The following FBRSL1 variants were observed in gnomAD, a reference collection of about 807,000 sequenced individuals.
The protein encoded by FBRSL1 is fibrosin-1-like protein.
A neutral mutation model predicts 89.6 loss-of-function variants in FBRSL1; 51 were observed. That is an observed-to-expected ratio of 0.57 (90% CI 0.45 to 0.72). FBRSL1 has a LOEUF of 0.72. Among genes scored for constraint, FBRSL1 ranks in the 30% least tolerant of loss-of-function variants. The probability of loss-of-function intolerance (pLI) is 0.00; values close to 1 mark genes in which losing one functional copy is unlikely to be tolerated. For synonymous variants in FBRSL1, 779 were observed against 681.1 expected (o/e 1.14, Z -2.24); for missense variants, 1,618 against 1,451.8 (o/e 1.11, Z -1.86).
chr12:132,523,445 C>T (rs2035533642), intron 2 of FBRSL1, among the ~76,000 whole-genome samples: 1 of 152,150 alleles, frequency 6.6e-6, no homozygotes, highest in Non-Finnish European at 1.5e-5. Context: ...CCACCGAGCC[C>T]CTCTGTGGCA....
intron 4 of FBRSL1, among the ~76,000 whole-genome samples, chr12:132,536,220 G>T (rs543107316): frequency 6.7e-6 from 1 of 150,276 alleles, no homozygotes; most frequent in East Asian, 2.0e-4. Flanking sequence ...GTGAGTGCAC[G>T]TGTAAAATGG....
intron 2 of FBRSL1, chr12:132,511,367 C>T (rs2034319434): frequency 2.3e-5 from 23 of 985,710 alleles, no homozygotes; most frequent in Non-Finnish European, 2.8e-5. Flanking sequence ...GCACACCTCA[C>T]ACTACAAGGC....
rs1290982883 is a variant in FBRSL1, at chr12:132,582,237, G to T, written c.2172G>T (p.Glu724Asp). 6.5e-6 allele frequency: 10 copies of T among 1,550,074 alleles called. No individual in the cohort carries two copies. In the East Asian group the frequency reaches 2.4e-4, roughly 38 times the overall value. The change falls in exon 18 of 19, where the codon GAG becomes GAT. Residue 724 changes from glutamate (E) to aspartate (D), a missense_variant. Transcript: ENST00000680143. ...CAGCCCTGACCAACCATGACCGAGA[G>T]CCGGACAATGGCAAGGAGGAGCAGG... ...RVSALTNHDR[E>D]PDNGKEEQER... is the part of the protein sequence containing the mutation.
rs1257682335 is a variant in FBRSL1, at chr12:132,576,767, G to A, written c.1702-32G>A. 10 of 1,541,304 alleles carry A rather than the reference G, an allele frequency of 6.5e-6. No homozygotes were observed. The Admixed American group carries it at 1.4e-4, about 21-fold the overall frequency. On this transcript the variant is annotated intron_variant, in intron 14 of 18. Transcript: ENST00000680143. ...CCCTGTGTTCAGGGCCAGTCCCCGG[G>A]CAGGCGGCCCTCACCCGTTCTATCC...
In FBRSL1 at chr12:132,583,566, C is replaced by G. The variant is rs951140856; in HGVS notation, c.2797C>G (p.Leu933Val). The G allele has an allele frequency of 1.7e-5, 18 of 1,028,716 alleles. No individual in the cohort carries two copies. Among genetic ancestry groups the G allele is most frequent in the Non-Finnish European group, 2.1e-5 (18 of 857,874 alleles). 63.7% of individuals were successfully genotyped at this position (1,028,716 alleles called of 1,614,324 possible). A position where few individuals can be genotyped will look rare whatever the true frequency, so the allele number is the denominator to read the frequency against. Residue 933 changes from leucine to valine, a missense_variant, in exon 19 of 19, where the codon CTC (leucine) becomes GTC (valine). By Grantham distance (32) the Leu-to-Val change is conservative. Coordinates refer to ENST00000680143, the MANE Select transcript of FBRSL1 (RefSeq NM_001367871.1). ...PSLGALHFPRLSPAALHNGLL... is the reference protein window; with the variant it reads ...PSLGALHFPRVSPAALHNGLL... ...GCTGGGAGCCCTGCACTTCCCGCGCCTCTCGCCCGCCGCGCTGCACAATGG... is the reference window on the plus strand; with the variant it reads ...GCTGGGAGCCCTGCACTTCCCGCGCGTCTCGCCCGCCGCGCTGCACAATGG...
chr12:132,498,988 G>A (rs1459648575), intron 1 of FBRSL1, among the ~76,000 whole-genome samples: 3 of 152,338 alleles, frequency 2.0e-5, no homozygotes, highest in Middle Eastern at 3.4e-3. Context: ...TCTCACCACG[G>A]CAGGCTGGGC....
intron 2 of FBRSL1, among the ~76,000 whole-genome samples, chr12:132,512,670 G>C (rs1444351257): frequency 6.6e-6 from 1 of 152,250 alleles, no homozygotes; most frequent in African/African-American, 2.4e-5. Context: ...CGAGTGAGTA[G>C]AGCCATGTCT....
In FBRSL1 at chr12:132,570,477, C is replaced by T; in HGVS notation, c.1150C>T (p.Pro384Ser). The T allele has an allele frequency of 6.5e-7, 1 of 1,530,980 alleles. No homozygotes were observed. Among genetic ancestry groups the T allele is most frequent in the Non-Finnish European group, 8.7e-7 (1 of 1,144,274 alleles). The allele number at this position is 1,530,980 out of a possible 1,614,324, so 94.8% of individuals were successfully genotyped here. Residue 384 changes from proline (P) to serine (S), a missense_variant, in exon 8 of 19, where the codon CCG becomes TCG. Physicochemically the swap from Pro to Ser is moderately conservative, Grantham distance 74 (BLOSUM62 -1). Transcript: ENST00000680143. ...QLHAAMFAAP[P>S]TLPPPPALPA... is the part of the protein sequence containing the mutation. ...CCACGCGGCCATGTTTGCCGCACCC[C>T]CGACACTGCCCCCGCCCCCGGCGCT...
intron 2 of FBRSL1, chr12:132,510,788 G>A: frequency 9.6e-6 from 11 of 1,143,984 alleles, no homozygotes; most frequent in East Asian, 8.9e-5. Context: ...TGCCCTGGGA[G>A]GGGAACACAG....
intron 2 of FBRSL1, among the ~76,000 whole-genome samples, chr12:132,520,957 T>C (rs1445465499): frequency 6.6e-6 from 1 of 151,546 alleles, no homozygotes; most frequent in Non-Finnish European, 1.5e-5. Flanking sequence ...CTGTGGGAGG[T>C]GGGGAAATGG....
chr12:132,507,468 G>T, intron 1 of FBRSL1: 1 of 974,014 alleles, frequency 1.0e-6, no homozygotes, highest in Non-Finnish European at 1.2e-6. Context: ...GCAGGGCGGA[G>T]GCTGGAGTGT....
intron 5 of FBRSL1, among the ~76,000 whole-genome samples, chr12:132,564,424 A>G (rs1394371298): frequency 9.9e-6 from 1 of 101,276 alleles, no homozygotes; most frequent in African/African-American, 6.1e-5. Context: ...GTCTCTTCCC[A>G]GCACCAGTGC....
intron 17 of FBRSL1, 77 bp downstream of exon 17, chr12:132,581,901 C>T (rs888640301): frequency 1.1e-5 from 15 of 1,397,860 alleles, no homozygotes; most frequent in Admixed American, 4.7e-5. Flanking sequence ...GCAGGAACCC[C>T]GATGCCTGGC....
At chr12:132,511,468 C>T (rs2034330353) in intron 2 of FBRSL1, 1 of 986,094 alleles carries the variant, frequency 1.0e-6, no homozygotes, top group African/African-American at 1.7e-5. Flanking sequence ...GGCAGCCCCA[C>T]TCGAGTCTTC....
intron 4 of FBRSL1, among the ~76,000 whole-genome samples, chr12:132,529,782 G>T (rs2136995545): frequency 6.6e-6 from 1 of 152,344 alleles, no homozygotes; most frequent in Non-Finnish European, 1.5e-5. Context: ...GCCACCCTGG[G>T]CTCTGCCTTT....
At chr12:132,575,208 G>C (rs1203572125) in intron 14 of FBRSL1, among the ~76,000 whole-genome samples, 2 of 152,196 alleles carry the variant, frequency 1.3e-5, no homozygotes, top group Non-Finnish European at 2.9e-5. Context: ...TTTGGGACGG[G>C]ACTCAGAGCA....
chr12:132,510,162 C>G, intron 2 of FBRSL1: 2 of 1,231,078 alleles, frequency 1.6e-6, no homozygotes, highest in African/African-American at 1.6e-5. Flanking sequence ...GCCCTGCCAG[C>G]CCCTGCGGCC....
intron 4 of FBRSL1, among the ~76,000 whole-genome samples, chr12:132,534,348 T>G (rs918159260): frequency 6.6e-6 from 1 of 152,232 alleles, no homozygotes; most frequent in African/African-American, 2.4e-5. Context: ...ATCATCTGAC[T>G]CCTCCACCTG....
At chr12:132,512,102 C>G in intron 2 of FBRSL1, 1 of 802,736 alleles carries the variant, frequency 1.2e-6, no homozygotes, top group Non-Finnish European at 1.5e-6. Context: ...CCTTCCTGCC[C>G]ACCCATCTGA....
Sources: gnomAD v4.1 joint callset for allele counts (sites outside exome capture counted in the v4.1 genomes callset) on GRCh38, gnomAD v4.1.1 for gene constraint, MANE v1.5 for transcripts, NCBI Gene and HGNC (gene_info 2026-07-23, HGNC 2026-07-21) for gene names.